HSPA4L: variants seen among roughly 807,000 people sequenced by gnomAD.
The protein encoded by HSPA4L is heat shock 70 kDa protein 4L.
HSPA4L carries 48 observed loss-of-function variants against 100.3 expected under a neutral mutation model. The ratio of observed to expected loss-of-function variants is 0.48; its 90% confidence interval spans 0.38 to 0.61. HSPA4L has a LOEUF of 0.61. HSPA4L is among the 20% of genes least tolerant of loss of function. The pLI is 0.00. For synonymous variants in HSPA4L, 319 were observed against 328.2 expected, an observed-to-expected ratio of 0.97 and a Z score of 0.30; for missense variants, 886 against 988.6, an observed-to-expected ratio of 0.90 and a Z score of 1.39.
intron 1 of HSPA4L, among the ~76,000 whole-genome samples, chr4:127,786,381 A>G (rs1230481489): frequency 6.6e-6 from 1 of 152,216 alleles, no homozygotes; most frequent in African/African-American, 2.4e-5. Context: ...TGTACAGGAA[A>G]GCATCTTTGC....
In HSPA4L at chr4:127,794,090, T is replaced by A. The variant is rs759617179; in HGVS notation, c.121T>A (p.Leu41Met). Residue 41 changes from leucine (L) to methionine (M), a missense_variant, in exon 2 of 19, where the codon TTG becomes ATG. Leu to Met is a conservative substitution (Grantham distance 15). Transcript: ENST00000296464. ...TTTCTGGTTTAGGGCCTGTATATCA[T>A]TGGGATCAAGAACTCGAGCCATTGG... Reference protein sequence around the residue: ...SDRCTPACISLGSRTRAIGNA... With the variant: ...SDRCTPACISMGSRTRAIGNA... 6.2e-7 allele frequency: 1 copy of A among 1,610,304 alleles called. No homozygotes were observed. Among genetic ancestry groups the A allele is most frequent in the Non-Finnish European group, 8.5e-7 (1 of 1,177,604 alleles).
intron 3 of HSPA4L, among the ~76,000 whole-genome samples, chr4:127,797,262 C>A (rs1560654363): frequency 6.6e-6 from 1 of 152,156 alleles, no homozygotes; most frequent in African/African-American, 2.4e-5. Flanking sequence ...ATATGATAAG[C>A]TCTAGTTAAT....
At chr4:127,809,345 G>T in intron 11 of HSPA4L, 1 of 1,120,222 alleles carries the variant, frequency 8.9e-7, no homozygotes, top group South Asian at 1.2e-5. Flanking sequence ...ACGCTGAGCC[G>T]CAGTATATTG....
rs1733252884 is a variant in HSPA4L at position 127,803,502 on chromosome 4, C to T, written c.664-127C>T. The T allele has an allele frequency of 3.8e-6, 3 of 798,124 alleles. No individual in the cohort carries two copies. The South Asian group carries it at 7.2e-5, about 19-fold the overall frequency. 49.4% of individuals were successfully genotyped at this position (798,124 alleles called of 1,614,324 possible). ...TAACTCTGATTCCAAATTCAGCACC[C>T]CTGTGATTGGACAAGTTTTTTTAGC... On this transcript the variant is annotated intron_variant, in intron 6 of 18. Transcript: ENST00000296464.
At chr4:127,800,978 A>C (rs1479340691) in intron 4 of HSPA4L, among the ~76,000 whole-genome samples, 160 bp from the exon 5 acceptor site, 2 of 152,214 alleles carry the variant, frequency 1.3e-5, no homozygotes, top group African/African-American at 4.8e-5. Flanking sequence ...ATGGTATAGA[A>C]ATTGTCAAAC....
chr4:127,804,933 C>A, intron 8 of HSPA4L, 140 bp from the exon 9 acceptor site: 1 of 568,480 alleles, frequency 1.8e-6, no homozygotes, highest in Non-Finnish European at 3.1e-6. Context: ...AATGTTATAT[C>A]TTTCTAAAAA....
At chr4:127,821,933 T>C (rs1289570846) in intron 14 of HSPA4L, among the ~76,000 whole-genome samples, 1 of 152,146 alleles carries the variant, frequency 6.6e-6, no homozygotes, top group African/African-American at 2.4e-5. Flanking sequence ...ATAGGCTATG[T>C]TTTCTTTTGT....
chr4:127,823,531 G>A lies in HSPA4L; in HGVS notation c.1953G>A (p.Leu651=). ...TATATTACTAGGACTTGAGTAAACT[G>A]TCTGCAGTATTGGAAGACACAGAAA... The part of the protein sequence containing the change: ...KFITPEDLSK[L]SAVLEDTENW... The change falls in exon 16 of 19, where the codon CTG becomes CTA. Residue 651 remains leucine (L), a synonymous_variant. Transcript: ENST00000296464. The A allele has an allele frequency of 1.2e-6, 2 of 1,610,110 alleles. No homozygotes were observed. The highest frequency in any genetic ancestry group is 1.7e-6 in the Non-Finnish European group (2 of 1,176,522).
intron 1 of HSPA4L, among the ~76,000 whole-genome samples, chr4:127,792,270 A>T (rs1303118238): frequency 6.6e-6 from 1 of 152,168 alleles, no homozygotes; most frequent in Non-Finnish European, 1.5e-5. Flanking sequence ...TATCTTATCA[A>T]ATTGTCCTAT....
chr4:127,812,819 G>A, intron 12 of HSPA4L: 1 of 1,286,334 alleles, frequency 7.8e-7, no homozygotes, highest in East Asian at 2.3e-5. Flanking sequence ...TGGCGCTTTA[G>A]TTGAACCCAG....
At position 127,837,351 on chromosome 4, in the gene HSPA4L, G is replaced by A. The variant is rs1734233890; in HGVS notation, c.*4477G>A. The A allele has an allele frequency of 1.3e-5, 2 of 152,182 alleles. No homozygotes were observed. Among genetic ancestry groups the A allele is most frequent in the African/African-American group, 2.4e-5 (1 of 41,442 alleles). 9.4% of individuals were successfully genotyped at this position (152,182 alleles called of 1,614,324 possible). On this transcript the variant is annotated 3_prime_UTR_variant, in exon 19 of 19. Coordinates refer to ENST00000296464, the MANE Select transcript of HSPA4L (RefSeq NM_014278.4). ...TTTGTGATATTTTATTGTATAAACT[G>A]TTAATGAGAGGCACAGCTAATTGTA...
In HSPA4L at chr4:127,839,751, T is replaced by G. The variant is rs537440499; in HGVS notation, c.*6877T>G. On this transcript the variant is annotated 3_prime_UTR_variant, in exon 19 of 19. Transcript: ENST00000296464. ...AATCTAGGTAAAGGAAGCTTTAAAA[T>G]GTTGTATTTTTTCCCTGAAATAAAC... is the stretch of plus-strand genomic sequence containing the variant. 1.3e-5 allele frequency: 2 copies of G among 151,872 alleles called. No individual in the cohort carries two copies. The highest frequency in any genetic ancestry group is 4.2e-4 in the South Asian group (2 of 4,812). The allele number at this position is 151,872 out of a possible 1,614,324, so 9.4% of individuals were successfully genotyped here. A position where few individuals can be genotyped will look rare whatever the true frequency, so the allele number is the denominator to read the frequency against.
chr4:127,805,357 A>C, intron 9 of HSPA4L, 133 bp downstream of exon 9: 1 of 660,732 alleles, frequency 1.5e-6, no homozygotes, highest in African/African-American at 1.8e-5. Flanking sequence ...ATTTCTGATA[A>C]ATAAGTCTTA....
Position 127,805,839 on chromosome 4 carries a change from AC to A in HSPA4L, c.1244+49del, listed in dbSNP as rs761436359. ...TGATTAGAGCTTGTCATAAATCTTTACCCAGTTAAACCTACTTTTCTAAATT... is the reference window on the plus strand; with the variant it reads ...TGATTAGAGCTTGTCATAAATCTTTACCAGTTAAACCTACTTTTCTAAATT... On this transcript the variant is annotated intron_variant, in intron 10 of 18. Coordinates refer to ENST00000296464, the MANE Select transcript of HSPA4L (RefSeq NM_014278.4). 4 of 1,231,980 alleles carry A rather than the reference AC, an allele frequency of 3.2e-6. No individual in the cohort carries two copies. In the South Asian group the frequency reaches 4.3e-5, roughly 13 times the overall value. The allele number at this position is 1,231,980 out of a possible 1,614,324, so 76.3% of individuals were successfully genotyped here.
intron 16 of HSPA4L, among the ~76,000 whole-genome samples, chr4:127,824,477 A>G (rs1733893725): frequency 6.6e-6 from 1 of 152,236 alleles, no homozygotes; most frequent in Non-Finnish European, 1.5e-5. Context: ...GCAATGCTAT[A>G]TAATTGAAAT....
chr4:127,797,593 T>G (rs1733057842), intron 3 of HSPA4L, among the ~76,000 whole-genome samples: 1 of 145,820 alleles, frequency 6.9e-6, no homozygotes, highest in Admixed American at 6.8e-5. Context: ...TCATCTAACT[T>G]TAAAAAAAAT....
chr4:127,794,163 TACAGGAAGAA>T, intron 2 of HSPA4L, 29 bp downstream of exon 2: 3 of 1,575,718 alleles, frequency 1.9e-6, no homozygotes, highest in Non-Finnish European at 2.6e-6. Flanking sequence ...TGTTTTGACT[TACAGGAAGAA>T]TTAACTGAAT....
intron 10 of HSPA4L, 120 bp downstream of exon 10, chr4:127,805,913 G>A (rs578208205): frequency 9.4e-6 from 5 of 534,264 alleles, no homozygotes; most frequent in African/African-American, 5.7e-5. Flanking sequence ...TTAAAATAAT[G>A]TATTAAAGAG....
chr4:127,825,171 A>C (rs573707619), intron 16 of HSPA4L, among the ~76,000 whole-genome samples: 1 of 151,836 alleles, frequency 6.6e-6, no homozygotes, highest in Non-Finnish European at 1.5e-5. Flanking sequence ...TATTGGAAGG[A>C]TGAAGGAAAT....
Sources: gnomAD v4.1 joint callset for allele counts (sites outside exome capture counted in the v4.1 genomes callset) on GRCh38, gnomAD v4.1.1 for gene constraint, MANE v1.5 for transcripts, NCBI Gene and HGNC (gene_info 2026-07-23, HGNC 2026-07-21) for gene names.